Variants in SPOPL observed in about 807,000 individuals in gnomAD.
The protein encoded by SPOPL is speckle type BTB/POZ protein like.
Under a neutral mutation model 53.8 loss-of-function variants are expected in SPOPL, and 23 were observed. The ratio of observed to expected loss-of-function variants is 0.43; its 90% confidence interval spans 0.31 to 0.61. The LOEUF is 0.61. Ranked by LOEUF, SPOPL falls within the 20% of genes least tolerant of loss-of-function variation. The probability of loss-of-function intolerance (pLI) is 0.12; values close to 1 mark genes in which losing one functional copy is unlikely to be tolerated. For synonymous variants in SPOPL, 164 were observed against 149.7 expected (o/e 1.10, Z -0.70); for missense variants, 442 against 466.9 (o/e 0.95, Z 0.49).
chr2:138,540,061 C>T (rs148403751), intron 1 of SPOPL, among the ~76,000 whole-genome samples: 1,659 of 152,078 alleles, frequency 0.011, 34 homozygotes, highest in African/African-American at 0.038. Flanking sequence ...GTTGTAGATA[C>T]GCGGCATTCT....
At chr2:138,558,110 G>A (rs756266412) in intron 5 of SPOPL, among the ~76,000 whole-genome samples, 60 of 152,190 alleles carry the variant, frequency 3.9e-4, no homozygotes, top group Non-Finnish European at 4.3e-4. Flanking sequence ...GCAGTGAGCC[G>A]AGATCACTCC....
intron 1 of SPOPL, among the ~76,000 whole-genome samples, chr2:138,508,516 A>T (rs1210712592): frequency 2.6e-5 from 4 of 152,014 alleles, no homozygotes; most frequent in African/African-American, 9.7e-5. Flanking sequence ...TTTTTAGTAG[A>T]GATGGGGTTT....
intron 8 of SPOPL, among the ~76,000 whole-genome samples, chr2:138,563,190 T>C (rs1685587588): frequency 6.6e-6 from 1 of 152,116 alleles, no homozygotes; most frequent in Non-Finnish European, 1.5e-5. Flanking sequence ...CATAAAAAGA[T>C]ATTCTAGTCA....
Position 138,550,453 on chromosome 2 carries a change from A to T in SPOPL, c.79-30A>T, listed in dbSNP as rs570305590. 2.1e-5 allele frequency: 33 copies of T among 1,596,598 alleles called. No homozygotes were observed. The South Asian group carries it at 3.7e-4, about 18-fold the overall frequency. On this transcript the variant is annotated intron_variant, in intron 2 of 10. Transcript: ENST00000280098. ...ACAAGTTAAAAGTATTACCGTCATC[A>T]TTATAAAAGTGGTTTTCTGAATCTC...
rs1471909766 is a variant in SPOPL, at chr2:138,501,801, A to C, written c.-379A>C. On this transcript the variant is annotated 5_prime_UTR_variant, in exon 1 of 11. Transcript: ENST00000280098. ...CCTCGCGGGCTGGAGCCGGGGCTGGAGTCGTAACTCGGAAGCCGGAGCCCA... is the reference window on the plus strand; with the variant it reads ...CCTCGCGGGCTGGAGCCGGGGCTGGCGTCGTAACTCGGAAGCCGGAGCCCA... 6.9e-6 allele frequency: 1 copy of C among 145,744 alleles called. No individual in the cohort carries two copies. Among genetic ancestry groups the C allele is most frequent in the African/African-American group, 2.6e-5 (1 of 38,712 alleles). 9.0% of individuals were successfully genotyped at this position (145,744 alleles called of 1,614,324 possible). A position where few individuals can be genotyped will look rare whatever the true frequency, so the allele number is the denominator to read the frequency against.
At chr2:138,566,631 G>A (rs1320585696) in intron 10 of SPOPL, among the ~76,000 whole-genome samples, 2 of 152,042 alleles carry the variant, frequency 1.3e-5, no homozygotes, top group Non-Finnish European at 2.9e-5. Flanking sequence ...ATAATTTGAT[G>A]TTTGCCAACT....
intron 1 of SPOPL, among the ~76,000 whole-genome samples, chr2:138,508,487 T>A (rs2104853973): frequency 6.6e-6 from 1 of 151,992 alleles, no homozygotes; most frequent in East Asian, 1.9e-4. Flanking sequence ...ACAGCCACCA[T>A]GCCCAGCTAA....
chr2:138,568,832 G>T (rs1183724289), intron 10 of SPOPL, 104 bp from the exon 11 acceptor site: 2 of 1,180,788 alleles, frequency 1.7e-6, no homozygotes, highest in African/African-American at 3.1e-5. Context: ...TAGGTAAAAA[G>T]TGTTCAAATA....
At chr2:138,547,636 A>G (rs1222103658) in intron 1 of SPOPL, among the ~76,000 whole-genome samples, 1 of 152,130 alleles carries the variant, frequency 6.6e-6, no homozygotes. Flanking sequence ...AATTACTTAT[A>G]TTTCTGTATT....
intron 1 of SPOPL, among the ~76,000 whole-genome samples, chr2:138,537,489 C>G (rs904792729): frequency 6.6e-6 from 1 of 152,158 alleles, no homozygotes; most frequent in African/African-American, 2.4e-5. Context: ...TTTTAACTAC[C>G]AGGCCCAGGG....
intron 1 of SPOPL, among the ~76,000 whole-genome samples, chr2:138,532,593 ATTTTTTT>A (rs71301784): frequency 1.3e-4 from 14 of 111,874 alleles, no homozygotes; most frequent in African/African-American, 3.1e-4. Flanking sequence ...CGCCCGGCTA[ATTTTTTT>A]TTTTTTTTTT....
At chr2:138,536,537 A>C (rs1477436181) in intron 1 of SPOPL, among the ~76,000 whole-genome samples, 1 of 152,190 alleles carries the variant, frequency 6.6e-6, no homozygotes, top group Non-Finnish European at 1.5e-5. Flanking sequence ...CTGGGGCATT[A>C]TGTTGTTCTG....
intron 1 of SPOPL, among the ~76,000 whole-genome samples, chr2:138,528,072 A>G (rs185962780): frequency 1.6e-4 from 25 of 152,184 alleles, no homozygotes; most frequent in South Asian, 4.2e-4. Flanking sequence ...AGTTAGTCCA[A>G]CCTGTATCCT....
intron 5 of SPOPL, among the ~76,000 whole-genome samples, chr2:138,553,860 A>G (rs903503692): frequency 1.3e-5 from 2 of 152,148 alleles, no homozygotes; most frequent in Non-Finnish European, 2.9e-5. Context: ...GTCTAAATAA[A>G]TATAGGTTAT....
intron 1 of SPOPL, among the ~76,000 whole-genome samples, chr2:138,502,583 T>A (rs1407089718): frequency 1.3e-5 from 2 of 152,144 alleles, no homozygotes; most frequent in Non-Finnish European, 2.9e-5. Context: ...GAAACTCTCG[T>A]CCCTGTTAGC....
intron 1 of SPOPL, among the ~76,000 whole-genome samples, chr2:138,538,807 T>A (rs988252823): frequency 2.6e-5 from 4 of 152,130 alleles, no homozygotes; most frequent in African/African-American, 9.7e-5. Flanking sequence ...TGCAGGTTAG[T>A]TACATATGTA....
chr2:138,539,114 G>A (rs921520572), intron 1 of SPOPL, among the ~76,000 whole-genome samples: 1 of 152,156 alleles, frequency 6.6e-6, no homozygotes, highest in Admixed American at 6.5e-5. Context: ...ATTCCATGTT[G>A]TATATGTGCC....
intron 10 of SPOPL, 101 bp from the exon 11 acceptor site, chr2:138,568,835 T>C (rs1685719708): frequency 1.6e-6 from 2 of 1,239,470 alleles, no homozygotes; most frequent in South Asian, 2.8e-5. Context: ...GTAAAAAGTG[T>C]TCAAATATTT....
rs1413299355 is a variant in SPOPL at position 138,572,298 on chromosome 2, A to G, written c.*3218A>G. On this transcript the variant is annotated 3_prime_UTR_variant, in exon 11 of 11. Coordinates refer to ENST00000280098, the MANE Select transcript of SPOPL (RefSeq NM_001001664.3). ...ATAAAATTGTTTTAAAATATTAACA[A>G]AGATCTCAAAAAGTTGTCATGAACA... is the stretch of plus-strand genomic sequence containing the variant. 1 of 152,648 alleles carries G rather than the reference A, an allele frequency of 6.6e-6. No individual in the cohort carries two copies. The highest frequency in any genetic ancestry group is 1.5e-5 in the Non-Finnish European group (1 of 68,032). 9.5% of individuals were successfully genotyped at this position (152,648 alleles called of 1,614,324 possible). A position where few individuals can be genotyped will look rare whatever the true frequency, so the allele number is the denominator to read the frequency against.
Sources: gnomAD v4.1 joint callset for allele counts (sites outside exome capture counted in the v4.1 genomes callset) on GRCh38, gnomAD v4.1.1 for gene constraint, MANE v1.5 for transcripts, NCBI Gene and HGNC (gene_info 2026-07-23, HGNC 2026-07-21) for gene names.